Variants in UPRT observed in about 807,000 individuals in gnomAD.
UPRT encodes the protein RP11-311P8.3.
A neutral mutation model predicts 22.6 loss-of-function variants in UPRT; 5 were observed. The ratio of observed to expected loss-of-function variants is 0.22; its 90% CI spans 0.12 to 0.47. UPRT has a LOEUF of 0.47. Among genes scored for constraint, UPRT ranks in the 20% least tolerant of loss-of-function variants. The pLI is 0.99. For missense variants in UPRT, 181 were observed against 239.9 expected (o/e 0.75, Z 1.62); for synonymous variants, 77 against 87.7 (o/e 0.88, Z 0.68).
At chrX:75,214,425 A>G (rs760766875) in intron 4 of UPRT, among the ~76,000 whole-genome samples, 6 of 113,090 alleles carry the variant, frequency 5.3e-5, no homozygotes, top group Non-Finnish European at 1.1e-4. Flanking sequence ...ACTACATAAT[A>G]CCACCTATGT....
chrX:75,156,427 TTTTA>T (rs1286419603), exon 1 of UPRT: 5 of 596,312 alleles, frequency 8.4e-6, no homozygotes, highest in East Asian at 7.1e-5. Context: ...GCACAGCCTC[TTTTA>T]TTTGTTTTTC....
chrX:75,251,404 C>T (rs1464320141), intron 4 of UPRT, among the ~76,000 whole-genome samples: 2 of 111,454 alleles, frequency 1.8e-5, no homozygotes, highest in East Asian at 5.6e-4. Flanking sequence ...CACAAGCATT[C>T]TTATACACCA....
At chrX:75,289,437 G>T (rs1404133089) in intron 1 of UPRT, among the ~76,000 whole-genome samples, 1 of 30,593 alleles carries the variant, frequency 3.3e-5, no homozygotes, top group African/African-American at 4.8e-5. Context: ...ATTTTGCTCA[G>T]AATTGGAAAA....
At chrX:75,271,438 C>A (rs1365150471), upstream of UPRT, among the ~76,000 whole-genome samples, 3 of 111,706 alleles carry the variant, frequency 2.7e-5, no homozygotes, top group African/African-American at 9.8e-5. Flanking sequence ...AATTGGCTAA[C>A]CACATGTAGG....
chrX:75,270,761 G>T (rs934819685), upstream of UPRT, among the ~76,000 whole-genome samples: 4 of 111,203 alleles, frequency 3.6e-5, no homozygotes, highest in African/African-American at 1.3e-4. Context: ...TTTCAGGGTT[G>T]GGATGCTAGG....
chrX:75,249,560 C>A (rs2082520705), intron 4 of UPRT, among the ~76,000 whole-genome samples: 1 of 111,429 alleles, frequency 9.0e-6, no homozygotes, highest in Non-Finnish European at 1.9e-5. Flanking sequence ...ATTCATAAAG[C>A]AAGTCCTTAG....
At chrX:75,223,268 A>T (rs2082415157) in intron 4 of UPRT, among the ~76,000 whole-genome samples, 1 of 109,097 alleles carries the variant, frequency 9.2e-6, no homozygotes, top group Admixed American at 9.9e-5. Flanking sequence ...AGAAGGAAGT[A>T]GTCTTTTTGG....
intron 4 of UPRT, among the ~76,000 whole-genome samples, chrX:75,238,549 A>C (rs774523819): frequency 2.7e-5 from 3 of 111,954 alleles, no homozygotes; most frequent in Admixed American, 9.5e-5. Context: ...CTCTACTGAC[A>C]GCACTAGACA....
intron 2 of UPRT, chrX:75,294,439 C>A: frequency 2.5e-6 from 1 of 399,677 alleles, no homozygotes; most frequent in Non-Finnish European, 3.5e-6. Flanking sequence ...GATTTACAAA[C>A]TAAGTGCAAA....
At chrX:75,207,428 G>T (rs1372012044) in intron 4 of UPRT, among the ~76,000 whole-genome samples, 1 of 111,617 alleles carries the variant, frequency 9.0e-6, no homozygotes, top group African/African-American at 3.3e-5. Flanking sequence ...AACCATGTAG[G>T]TGTTTCCCTG....
rs1358269633 is a variant in UPRT, at chrX:75,299,886, T to C, written c.714T>C (p.Tyr238=). The C allele has an allele frequency of 8.3e-7, 1 of 1,209,745 alleles. No homozygotes were observed. The highest frequency in any genetic ancestry group is 3.0e-5 in the East Asian group (1 of 33,809). Residue 238 remains tyrosine, a synonymous_variant, in exon 5 of 7, where the codon TAT becomes TAC. Coordinates refer to ENST00000373383, the MANE Select transcript of UPRT (RefSeq NM_145052.4). ...DIYRRKVLLM[Y]PILSTGNTVI... ...ACCGGAGAAAAGTCCTTCTGATGTA[T>C]CCAATTCTCAGTGAGTGGCTTCCAT...
intron 4 of UPRT, among the ~76,000 whole-genome samples, chrX:75,201,174 T>C (rs1371512119): frequency 8.9e-6 from 1 of 112,180 alleles, no homozygotes; most frequent in Non-Finnish European, 1.9e-5. Flanking sequence ...TTTGCATTTG[T>C]TCTCTCAGTC....
chrX:75,287,069 G>T (rs1444537529), intron 1 of UPRT, among the ~76,000 whole-genome samples: 1 of 110,997 alleles, frequency 9.0e-6, no homozygotes, highest in African/African-American at 3.3e-5. Flanking sequence ...TTTAAGAAGA[G>T]TTATATACTT....
chrX:75,236,528 G>C (rs146037209), intron 4 of UPRT, among the ~76,000 whole-genome samples: 1 of 111,331 alleles, frequency 9.0e-6, no homozygotes, highest in Non-Finnish European at 1.9e-5. Context: ...TGGAGGTATC[G>C]CACTACCTGA....
intron 4 of UPRT, among the ~76,000 whole-genome samples, chrX:75,180,705 T>TG (rs2147610107): frequency 1.0e-5 from 1 of 95,461 alleles, no homozygotes; most frequent in African/African-American, 3.8e-5. Flanking sequence ...GTTTTTTTTT[T>TG]TTTTTTTTTT....
At chrX:75,214,956 AACACACAC>A (rs56673150) in intron 4 of UPRT, among the ~76,000 whole-genome samples, 1 of 99,039 alleles carries the variant, frequency 1.0e-5, no homozygotes, top group Non-Finnish European at 2.0e-5. Context: ...AAGTATTCTC[AACACACAC>A]ACACACACAC....
At chrX:75,241,037 G>C in intron 4 of UPRT, among the ~76,000 whole-genome samples, 1 of 109,567 alleles carries the variant, frequency 9.1e-6, no homozygotes, top group Non-Finnish European at 1.9e-5. Context: ...TTATGACCAA[G>C]AACCCAAAAG....
chrX:75,280,998 A>G (rs1056195794), intron 1 of UPRT, among the ~76,000 whole-genome samples: 1 of 109,928 alleles, frequency 9.1e-6, no homozygotes, highest in Non-Finnish European at 1.9e-5. Flanking sequence ...TCCTTAGGTA[A>G]ATTCCTAAGG....
At chrX:75,254,336 C>A (rs2082542026) in intron 4 of UPRT, among the ~76,000 whole-genome samples, 1 of 111,657 alleles carries the variant, frequency 9.0e-6, no homozygotes. Context: ...AAATAAAAAA[C>A]AATCAAAACT....
Sources: gnomAD v4.1 joint callset for allele counts (sites outside exome capture counted in the v4.1 genomes callset) on GRCh38, gnomAD v4.1.1 for gene constraint, MANE v1.5 for transcripts, NCBI Gene and HGNC (gene_info 2026-07-23, HGNC 2026-07-21) for gene names.